The following HEATR3 variants were observed in gnomAD, a reference collection of about 807,000 sequenced individuals.
The protein encoded by HEATR3 is HEAT repeat containing 3.
Under a neutral mutation model 72.8 loss-of-function variants are expected in HEATR3, and 56 were observed. The ratio of observed to expected loss-of-function variants is 0.77; its 90% CI spans 0.62 to 0.96. HEATR3 has a LOEUF of 0.96. HEATR3 is among the 40% of genes least tolerant of loss of function. The pLI, the probability that HEATR3 is intolerant of heterozygous loss-of-function variation, is 0.00. For missense variants in HEATR3, 747 were observed against 831.4 expected (o/e 0.90, Z 1.25); for synonymous variants, 331 against 318.1 (o/e 1.04, Z -0.43).
At chr16:50,096,409 A>G (rs2037238902) in intron 12 of HEATR3, among the ~76,000 whole-genome samples, 1 of 151,508 alleles carries the variant, frequency 6.6e-6, no homozygotes, top group Non-Finnish European at 1.5e-5. Flanking sequence ...AGCAAGGTTC[A>G]TGTGTTGCTT....
rs189014573 is a variant in HEATR3, at chr16:50,098,850, A to G, written c.1600-1380A>G. 3.8e-3 allele frequency among the ~76,000 whole-genome samples: 574 copies of G among 152,212 alleles called. 3 individuals are homozygous for G. Among genetic ancestry groups the G allele is most frequent in the African/African-American group, 0.013 (548 of 41,568 alleles). Reference sequence around the variant, plus strand: ...GTAGTAACATTAAAATTGTAGTGACATTAAAACTATTATTTGCTTTATCCT... The same window carrying G: ...GTAGTAACATTAAAATTGTAGTGACGTTAAAACTATTATTTGCTTTATCCT... On this transcript the variant is annotated intron_variant, in intron 12 of 14. Transcript: ENST00000299192.
intron 12 of HEATR3, among the ~76,000 whole-genome samples, chr16:50,099,733 C>G (rs567373086): frequency 6.6e-6 from 1 of 152,148 alleles, no homozygotes; most frequent in Non-Finnish European, 1.5e-5. Flanking sequence ...CGTGAGCCAC[C>G]GCGCCCAGCC....
chr16:50,085,590 T>G (rs2036969989), intron 10 of HEATR3, among the ~76,000 whole-genome samples: 1 of 152,110 alleles, frequency 6.6e-6, no homozygotes, highest in Admixed American at 6.6e-5. Context: ...GCTATGATGG[T>G]GACACTGTAC....
At chr16:50,084,058 C>T (rs368544254) in intron 8 of HEATR3, 31 bp downstream of exon 8, 4 of 1,613,504 alleles carry the variant, frequency 2.5e-6, no homozygotes, top group Non-Finnish European at 3.4e-6. Flanking sequence ...AGACATTTTC[C>T]CCCTGAGCCA....
At chr16:50,076,413 C>T (rs1279034936) in intron 6 of HEATR3, among the ~76,000 whole-genome samples, 3 of 152,072 alleles carry the variant, frequency 2.0e-5, no homozygotes, top group African/African-American at 2.4e-5. Flanking sequence ...GTCTTGAGCT[C>T]GGGACCTCAG....
chr16:50,068,895 G>A (rs1489681207), intron 3 of HEATR3, 28 bp downstream of exon 3: 1 of 1,548,192 alleles, frequency 6.5e-7, no homozygotes, highest in Non-Finnish European at 8.9e-7. Context: ...TATCTTGATG[G>A]TAGCTTTTGG....
intron 12 of HEATR3, 95 bp from the exon 13 acceptor site, chr16:50,100,135 G>A: frequency 1.7e-6 from 2 of 1,177,492 alleles, no homozygotes; most frequent in Non-Finnish European, 2.4e-6. Context: ...AAATCCTGTA[G>A]CCTATAGAGG....
intron 12 of HEATR3, chr16:50,098,236 C>T (rs561716482): frequency 6.6e-6 from 1 of 152,028 alleles, no homozygotes; most frequent in Non-Finnish European, 1.5e-5. Context: ...CAAAAAGATA[C>T]ATTAGTGACA....
At chr16:50,095,352 C>T (rs1341369351) in intron 12 of HEATR3, among the ~76,000 whole-genome samples, 1 of 151,770 alleles carries the variant, frequency 6.6e-6, no homozygotes, top group African/African-American at 2.4e-5. Context: ...AGTGATCCAC[C>T]CACCTTGGCC....
chr16:50,100,395 C>A (rs1319507509), intron 13 of HEATR3, 22 bp downstream of exon 13: 2 of 1,609,758 alleles, frequency 1.2e-6, no homozygotes. Context: ...TGCTTCTGAC[C>A]TAACATGTTA....
chr16:50,066,598 C>CG, intron 2 of HEATR3, 59 bp downstream of exon 2: 1 of 1,248,534 alleles, frequency 8.0e-7, no homozygotes, highest in Non-Finnish European at 1.0e-6. Flanking sequence ...GTCTGGGCTG[C>CG]GGGCGGTCGC....
chr16:50,102,232 A>G lies in HEATR3; in HGVS notation c.1744-27A>G, dbSNP rs142984559. 102 of 1,595,888 alleles carry G rather than the reference A, an allele frequency of 6.4e-5. 2 individuals carry two copies. In the East Asian group the frequency reaches 7.8e-4, roughly 12 times the overall value. ...CTTGTTTTGGAGACTGGTGTTAGTC[A>G]TACTAAATGTGTTTTGTTGTTTCCA... is the stretch of plus-strand genomic sequence containing the variant. On this transcript the variant is annotated intron_variant, in intron 13 of 14. Coordinates refer to ENST00000299192, the MANE Select transcript of HEATR3 (RefSeq NM_182922.4).
In HEATR3 at chr16:50,106,656, A is replaced by G. The variant is rs1461425609; in HGVS notation, c.*1595A>G. ...GCTTCATTGTCCATCCGTTTGCCTG[A>G]TGAGAAGGGAAATTTGAAAATTTCT... On this transcript the variant is annotated 3_prime_UTR_variant, in exon 15 of 15. Transcript: ENST00000299192. The G allele has an allele frequency of 6.6e-6, 1 of 152,076 alleles. No individual in the cohort carries two copies. Among genetic ancestry groups the G allele is most frequent in the African/African-American group, 2.4e-5 (1 of 41,416 alleles). The allele number at this position is 152,076 out of a possible 1,614,324, so 9.4% of individuals were successfully genotyped here.
chr16:50,090,035 A>G (rs1228831378), intron 11 of HEATR3, among the ~76,000 whole-genome samples: 2 of 152,052 alleles, frequency 1.3e-5, no homozygotes, highest in Non-Finnish European at 2.9e-5. Flanking sequence ...TATGGGTTCT[A>G]TATGGATAGT....
At chr16:50,077,060 A>C (rs868682880) in intron 6 of HEATR3, among the ~76,000 whole-genome samples, 2 of 151,528 alleles carry the variant, frequency 1.3e-5, no homozygotes, top group African/African-American at 2.4e-5. Context: ...TTTTTTAGTA[A>C]AGACGGGGTT....
chr16:50,072,928 G>A (rs1000828561), intron 5 of HEATR3: 13 of 482,166 alleles, frequency 2.7e-5, no homozygotes, highest in African/African-American at 2.6e-4. Context: ...CTCTGAAAGG[G>A]AGAAAGGTAA....
rs545312431 is a variant in HEATR3, at chr16:50,066,242, C to T, written c.111C>T (p.Asp37=). 6.4e-6 allele frequency: 10 copies of T among 1,564,666 alleles called. No homozygotes were observed. The highest frequency in any genetic ancestry group is 2.7e-5 in the African/African-American group (2 of 72,862). ...AANGTGGEED[D]GPAAELLEKL... Reference sequence around the variant, plus strand: ...ATGGGACCGGAGGCGAGGAGGACGACGGGCCGGCGGCGGAGCTGCTGGAAA... The same window carrying T: ...ATGGGACCGGAGGCGAGGAGGACGATGGGCCGGCGGCGGAGCTGCTGGAAA... The change falls in exon 1 of 15, where the codon GAC becomes GAT. Residue 37 remains aspartate (D), a synonymous_variant. Transcript: ENST00000299192.
intron 6 of HEATR3, among the ~76,000 whole-genome samples, chr16:50,076,969 G>A (rs915900635): frequency 4.0e-5 from 6 of 148,222 alleles, no homozygotes; most frequent in African/African-American, 1.0e-4. Context: ...CCAGGTTCAC[G>A]CCATTCTCCT....
chr16:50,069,751 C>T (rs1315005107), intron 3 of HEATR3, among the ~76,000 whole-genome samples: 1 of 152,148 alleles, frequency 6.6e-6, no homozygotes, highest in Admixed American at 6.6e-5. Flanking sequence ...AATGCTAGGG[C>T]CTGAATCCCA....
Sources: allele counts gnomAD v4.1 joint callset (sites outside exome capture counted in the v4.1 genomes callset), GRCh38; gene constraint gnomAD v4.1.1; transcripts MANE v1.5; gene names NCBI Gene and HGNC (gene_info 2026-07-23, HGNC 2026-07-21).